TCAIM: variants seen among roughly 807,000 people sequenced by gnomAD.
TCAIM encodes T-cell activation inhibitor, mitochondrial.
A neutral mutation model predicts 58.6 loss-of-function variants in TCAIM; 36 were observed. The observed-to-expected ratio is 0.61, with a 90% CI of 0.47 to 0.81. The LOEUF (loss-of-function observed/expected upper bound fraction) is 0.81. Ranked by LOEUF, TCAIM falls within the 30% of genes least tolerant of loss-of-function variation. The probability of loss-of-function intolerance (pLI) is 0.00; values close to 1 mark genes in which losing one functional copy is unlikely to be tolerated. For missense variants in TCAIM, 466 were observed against 579.6 expected (o/e 0.80, Z 2.01); for synonymous variants, 172 against 193.6 (o/e 0.89, Z 0.93).
intron 5 of TCAIM, among the ~76,000 whole-genome samples, chr3:44,390,110 T>G (rs960784500): frequency 1.3e-5 from 2 of 152,228 alleles, no homozygotes; most frequent in African/African-American, 2.4e-5. Context: ...CCTTATTAAA[T>G]GTGTCTTCCT....
chr3:44,350,626 A>G (rs1189121428), intron 1 of TCAIM, among the ~76,000 whole-genome samples: 1 of 151,942 alleles, frequency 6.6e-6, no homozygotes, highest in Non-Finnish European at 1.5e-5. Flanking sequence ...GAGTCTCACT[A>G]TGTTGCCCAG....
chr3:44,362,118 T>C (rs1701303756), intron 4 of TCAIM, among the ~76,000 whole-genome samples: 2 of 152,204 alleles, frequency 1.3e-5, no homozygotes. Context: ...TAATGATCCT[T>C]GAAGAAATAA....
upstream of TCAIM, chr3:44,338,324 G>C (rs1371683429): frequency 8.5e-5 from 13 of 152,500 alleles, no homozygotes; most frequent in Non-Finnish European, 1.8e-4. Context: ...CGGCCGGTAA[G>C]AAGGCGGAGG....
intron 4 of TCAIM, among the ~76,000 whole-genome samples, chr3:44,366,520 C>G (rs1216213104): frequency 2.1e-5 from 3 of 142,312 alleles, no homozygotes; most frequent in African/African-American, 8.0e-5. Flanking sequence ...GGTTGGAGTG[C>G]AGTGGCACGA....
intron 10 of TCAIM, among the ~76,000 whole-genome samples, chr3:44,403,962 C>A (rs1702060894): frequency 1.3e-5 from 2 of 152,210 alleles, no homozygotes; most frequent in Admixed American, 1.3e-4. Flanking sequence ...AGAGCTGTCA[C>A]TCCTCTGCCC....
intron 5 of TCAIM, among the ~76,000 whole-genome samples, chr3:44,375,440 A>G (rs1701549834): frequency 6.6e-6 from 1 of 152,160 alleles, no homozygotes; most frequent in Non-Finnish European, 1.5e-5. Context: ...GCGCCAGGCT[A>G]TTTTTAGCAA....
chr3:44,396,346 G>T (rs1429950239), intron 6 of TCAIM, 54 bp from the exon 7 acceptor site: 2 of 1,513,392 alleles, frequency 1.3e-6, no homozygotes, highest in African/African-American at 1.4e-5. Flanking sequence ...GTGGGTGCTC[G>T]CTCCGTCTTC....
At chr3:44,379,722 G>C (rs867936986) in intron 5 of TCAIM, among the ~76,000 whole-genome samples, 1 of 152,130 alleles carries the variant, frequency 6.6e-6, no homozygotes, top group Admixed American at 6.5e-5. Flanking sequence ...GGGATAACTA[G>C]AGCGGGGAGG....
chr3:44,380,178 TAC>T (rs990082633), intron 5 of TCAIM, among the ~76,000 whole-genome samples: 4 of 152,162 alleles, frequency 2.6e-5, no homozygotes, highest in Non-Finnish European at 5.9e-5. Flanking sequence ...GGTCCAGATA[TAC>T]AGTTTGATAG....
At chr3:44,341,671 A>T (rs1700856579) in intron 1 of TCAIM, among the ~76,000 whole-genome samples, 1 of 152,192 alleles carries the variant, frequency 6.6e-6, no homozygotes, top group Admixed American at 6.5e-5. Context: ...ATCTGACATT[A>T]GATGGAAAAA....
chr3:44,392,842 T>G lies in TCAIM; in HGVS notation c.573-13T>G, dbSNP rs1232445127. The G allele has an allele frequency of 6.2e-7, 1 of 1,609,176 alleles. No homozygotes were observed. The highest frequency in any genetic ancestry group is 8.5e-7 in the Non-Finnish European group (1 of 1,177,470). ...TAGTTAGTATTGTAAAGTATGTATCTCTCTCTTTCTAGATCCTGGTTAGAT... is the reference window on the plus strand; with the variant it reads ...TAGTTAGTATTGTAAAGTATGTATCGCTCTCTTTCTAGATCCTGGTTAGAT... On this transcript the variant is annotated splice_polypyrimidine_tract_variant and intron_variant, in intron 5 of 10. Coordinates refer to ENST00000342649, the MANE Select transcript of TCAIM (RefSeq NM_173826.4).
intron 5 of TCAIM, among the ~76,000 whole-genome samples, chr3:44,377,488 A>C (rs1364296224): frequency 1.3e-5 from 2 of 152,206 alleles, no homozygotes; most frequent in African/African-American, 2.4e-5. Context: ...TAAGTAAGGA[A>C]ACAGAGGACT....
At chr3:44,382,782 C>CT (rs956486913) in intron 5 of TCAIM, among the ~76,000 whole-genome samples, 17 of 152,110 alleles carry the variant, frequency 1.1e-4, no homozygotes, top group Middle Eastern at 3.2e-3. Context: ...CTAAAAGACA[C>CT]TATCAACAGA....
intron 5 of TCAIM, among the ~76,000 whole-genome samples, chr3:44,383,744 A>C (rs1352065163): frequency 6.8e-6 from 1 of 146,024 alleles, no homozygotes; most frequent in Non-Finnish European, 1.5e-5. Flanking sequence ...AGGCTGAGGC[A>C]GGAGGATCAC....
chr3:44,353,266 T>C (rs1280545675), intron 1 of TCAIM, among the ~76,000 whole-genome samples: 1 of 152,084 alleles, frequency 6.6e-6, no homozygotes, highest in Non-Finnish European at 1.5e-5. Flanking sequence ...CTCCCTGACT[T>C]TTTTTTAGCC....
At chr3:44,366,929 G>A (rs1701388514) in intron 4 of TCAIM, among the ~76,000 whole-genome samples, 1 of 152,074 alleles carries the variant, frequency 6.6e-6, no homozygotes, top group Non-Finnish European at 1.5e-5. Context: ...AAAATATTGG[G>A]TTACTACCTA....
chr3:44,364,241 A>G (rs1701336106), intron 4 of TCAIM, among the ~76,000 whole-genome samples: 1 of 146,738 alleles, frequency 6.8e-6, no homozygotes, highest in Non-Finnish European at 1.5e-5. Flanking sequence ...CTGTCATTTA[A>G]AAAAAAAAAA....
At chr3:44,358,022 C>A in intron 3 of TCAIM, 146 bp downstream of exon 3, 1 of 1,366,356 alleles carries the variant, frequency 7.3e-7, no homozygotes, top group Non-Finnish European at 9.6e-7. Context: ...AATGTAGATA[C>A]TGAAAATTGA....
At chr3:44,361,597 C>A in intron 4 of TCAIM, 79 bp downstream of exon 4, 2 of 1,325,808 alleles carry the variant, frequency 1.5e-6, no homozygotes, top group Non-Finnish European at 2.0e-6. Flanking sequence ...GCCAGAATAC[C>A]TTTGGATGAA....
Sources: gnomAD v4.1 joint callset for allele counts (sites outside exome capture counted in the v4.1 genomes callset) on GRCh38, gnomAD v4.1.1 for gene constraint, MANE v1.5 for transcripts, NCBI Gene and HGNC (gene_info 2026-07-23, HGNC 2026-07-21) for gene names.